Variants in ADCY9 observed in about 807,000 individuals in gnomAD.
ADCY9 encodes adenylate cyclase 9, also known as adenylate cyclase type 9.
A neutral mutation model predicts 101.5 loss-of-function variants in ADCY9; 50 were observed. The observed-to-expected ratio is 0.49, with a 90% CI of 0.39 to 0.62. The LOEUF (loss-of-function observed/expected upper bound fraction) is 0.62. ADCY9 is among the 20% of genes least tolerant of loss of function. The pLI, the probability that ADCY9 is intolerant of heterozygous loss-of-function variation, is 0.00. For synonymous variants in ADCY9, 905 were observed against 769.3 expected, an observed-to-expected ratio of 1.18 and a Z score of -2.92; for missense variants, 1,662 against 1,800.4, an observed-to-expected ratio of 0.92 and a Z score of 1.39.
chr16:4,061,376 A>G (rs1226328939), intron 2 of ADCY9, among the ~76,000 whole-genome samples: 1 of 152,190 alleles, frequency 6.6e-6, no homozygotes, highest in South Asian at 2.1e-4. Flanking sequence ...GTAAGCTCAA[A>G]AAACTCCAAC....
At chr16:4,074,632 G>A (rs1277158542) in intron 2 of ADCY9, among the ~76,000 whole-genome samples, 4 of 149,560 alleles carry the variant, frequency 2.7e-5, no homozygotes, top group Non-Finnish European at 5.9e-5. Flanking sequence ...CGGGTGGGTC[G>A]CTTGAGCCCA....
At chr16:4,106,798 T>C (rs1311566132) in intron 2 of ADCY9, among the ~76,000 whole-genome samples, 2 of 152,186 alleles carry the variant, frequency 1.3e-5, no homozygotes, top group South Asian at 4.1e-4. Flanking sequence ...AAGATTACTA[T>C]TCCACAGCAA....
rs528469949 is a variant in ADCY9 at position 4,046,896 on chromosome 16, G to A, written c.1694-39338C>T. Among the ~76,000 whole-genome samples the A allele has an allele frequency of 6.6e-5, 10 of 152,154 alleles. No homozygotes were observed. The South Asian group carries it at 2.1e-3, about 32-fold the overall frequency. ...GTGCTGGCATGCACCTGCAGTCCCA[G>A]CTACTTGGGAGGCTGAGGTAGGAGG... On this transcript the variant is annotated intron_variant, in intron 2 of 10. Transcript: ENST00000294016.
At chr16:4,100,743 C>CAAAA (rs35359235) in intron 2 of ADCY9, among the ~76,000 whole-genome samples, 4 of 115,094 alleles carry the variant, frequency 3.5e-5, no homozygotes, top group South Asian at 2.9e-4. Context: ...ACTCTTGTCT[C>CAAAA]AAAAAAAAAA....
intron 8 of ADCY9, 78 bp from the exon 9 acceptor site, chr16:3,977,708 G>A (rs1329294452): frequency 1.3e-5 from 19 of 1,503,980 alleles, no homozygotes; most frequent in Middle Eastern, 2.2e-4. Flanking sequence ...CAAAACATTC[G>A]CCACTAATCC....
At position 4,007,569 on chromosome 16, in the gene ADCY9, T is replaced by C. The variant is rs117823661; in HGVS notation, c.1694-11A>G. On this transcript the variant is annotated splice_polypyrimidine_tract_variant and intron_variant, in intron 2 of 10. Transcript: ENST00000294016. ...GGTATGTCTTCAAACCTATGATGGA[T>C]AAAAGTTACAGTCAGCACAGATTGA... 4,946 of 1,600,706 alleles carry C rather than the reference T, an allele frequency of 3.1e-3. 15 individuals are homozygous for C. The highest frequency in any genetic ancestry group is 3.6e-3 in the Non-Finnish European group (4,274 of 1,174,292).
chr16:4,041,755 G>T (rs796138847), intron 2 of ADCY9, among the ~76,000 whole-genome samples: 88 of 135,958 alleles, frequency 6.5e-4, no homozygotes, highest in East Asian at 1.5e-3. Context: ...GATTTTTTTT[G>T]TTTTTTTTTT....
chr16:4,053,736 G>C (rs549922351), intron 2 of ADCY9, among the ~76,000 whole-genome samples: 1 of 152,330 alleles, frequency 6.6e-6, no homozygotes, highest in Admixed American at 6.5e-5. Flanking sequence ...GCGGAGGCCT[G>C]GGACGCAGCC....
At chr16:4,069,816 C>A (rs2056822432) in intron 2 of ADCY9, among the ~76,000 whole-genome samples, 1 of 152,096 alleles carries the variant, frequency 6.6e-6, no homozygotes, top group Non-Finnish European at 1.5e-5. Flanking sequence ...TATAATGCGG[C>A]CAGGCATGGT....
At position 4,114,104 on chromosome 16, in the gene ADCY9, A is replaced by C; in HGVS notation, c.1339T>G (p.Cys447Gly). 6.2e-7 allele frequency: 1 copy of C among 1,613,858 alleles called. No individual in the cohort carries two copies. Among genetic ancestry groups the C allele is most frequent in the Non-Finnish European group, 8.5e-7 (1 of 1,180,046 alleles). Residue 447 changes from cysteine to glycine, a missense_variant, in exon 2 of 11, where the codon TGC becomes GGC. Around this residue, in one of 5 missense-constraint regions of ADCY9, gnomAD observed 228 missense variants for 301.1 expected, o/e 0.76. Coordinates refer to ENST00000294016, the MANE Select transcript of ADCY9 (RefSeq NM_001116.4). The surrounding 1 kb of genome is among the most constrained non-coding windows in gnomAD (Gnocchi z 4.3). The part of the protein sequence containing the change: ...KISTLGDCYY[C>G]VAGCPEPRAD... ...CGGGGCTCGGGACAGCCCGCCACGC[A>C]GTAGTAACAGTCTCCCAGGGTGCTG...
chr16:3,968,321 G>A (rs996620285), intron 10 of ADCY9, among the ~76,000 whole-genome samples: 13 of 151,586 alleles, frequency 8.6e-5, no homozygotes, highest in Non-Finnish European at 8.8e-5. Flanking sequence ...TAGTAGAGAC[G>A]GGGTTTCTCC....
intron 2 of ADCY9, among the ~76,000 whole-genome samples, chr16:4,110,255 AAC>A (rs960295854): frequency 6.6e-6 from 1 of 152,210 alleles, no homozygotes; most frequent in Non-Finnish European, 1.5e-5. Context: ...CAGGAAAGAA[AAC>A]ACCTTTATTG....
intron 2 of ADCY9, among the ~76,000 whole-genome samples, chr16:4,025,244 A>G (rs1008758934): frequency 2.6e-5 from 4 of 151,998 alleles, no homozygotes; most frequent in Admixed American, 2.6e-4. Context: ...ATGGTGGTGT[A>G]TGACTGTAAT....
intron 10 of ADCY9, among the ~76,000 whole-genome samples, chr16:3,972,201 T>C (rs1353199958): frequency 6.6e-6 from 1 of 151,350 alleles, no homozygotes; most frequent in African/African-American, 2.4e-5. Flanking sequence ...ATAGCAAAGA[T>C]CCACTTCAAA....
rs985478675 is a variant in ADCY9 at position 4,024,180 on chromosome 16, G to T, written c.1694-16622C>A. Among the ~76,000 whole-genome samples the T allele has an allele frequency of 2.0e-5, 3 of 151,706 alleles. No homozygotes were observed. In the East Asian group the frequency reaches 5.9e-4, roughly 30 times the overall value. On this transcript the variant is annotated intron_variant, in intron 2 of 10. Coordinates refer to ENST00000294016, the MANE Select transcript of ADCY9 (RefSeq NM_001116.4). ...TGGGATTACAGGCACCAACCACCATGCCTGGCTAATTTTTGTATTTTTAGT... is the reference window on the plus strand; with the variant it reads ...TGGGATTACAGGCACCAACCACCATTCCTGGCTAATTTTTGTATTTTTAGT...
intron 2 of ADCY9, among the ~76,000 whole-genome samples, chr16:4,113,002 G>A (rs963746387): frequency 1.3e-5 from 2 of 152,088 alleles, no homozygotes; most frequent in African/African-American, 4.8e-5. Flanking sequence ...ATCCAAACCT[G>A]AGAGGATGAG....
At chr16:4,081,758 C>CA (rs2056904050) in intron 2 of ADCY9, among the ~76,000 whole-genome samples, 1 of 58,160 alleles carries the variant, frequency 1.7e-5, no homozygotes, top group Non-Finnish European at 3.6e-5. Context: ...GAGGGTGTAA[C>CA]GGTGGGTGGG....
At chr16:4,046,469 CA>C (rs2056665685) in intron 2 of ADCY9, among the ~76,000 whole-genome samples, 1 of 152,202 alleles carries the variant, frequency 6.6e-6, no homozygotes, top group Non-Finnish European at 1.5e-5. Flanking sequence ...GCACTGATGA[CA>C]AATGCAGAAC....
At chr16:4,008,545 A>C (rs2056382528) in intron 2 of ADCY9, among the ~76,000 whole-genome samples, 1 of 152,080 alleles carries the variant, frequency 6.6e-6, no homozygotes, top group Non-Finnish European at 1.5e-5. Context: ...ACCGAGAATA[A>C]AATCATGAAC....
Sources: gnomAD v4.1 joint callset for allele counts (sites outside exome capture counted in the v4.1 genomes callset) on GRCh38, gnomAD v4.1.1 for gene constraint, gnomAD v4.1.1 regional missense constraint, Gnocchi (gnomAD v3.1) non-coding constraint, MANE v1.5 for transcripts, NCBI Gene and HGNC (gene_info 2026-07-23, HGNC 2026-07-21) for gene names.